The following MYO1C variants were observed in gnomAD, a reference collection of about 807,000 sequenced individuals.
MYO1C encodes the protein unconventional myosin-Ic.
Under a neutral mutation model 150.8 loss-of-function variants are expected in MYO1C, and 104 were observed. The ratio of observed to expected loss-of-function variants is 0.69; its 90% confidence interval spans 0.59 to 0.81. The LOEUF (loss-of-function observed/expected upper bound fraction) is 0.81. Among genes scored for constraint, MYO1C ranks in the 30% least tolerant of loss-of-function variants. MYO1C has a pLI of 0.00. For missense variants in MYO1C, 1,504 were observed against 1,435.0 expected, an observed-to-expected ratio of 1.05 and a Z score of -0.78; for synonymous variants, 663 against 579.9, an observed-to-expected ratio of 1.14 and a Z score of -2.06.
chr17:1,474,888 A>G (rs1567522285), intron 15 of MYO1C, 30 bp from the exon 16 acceptor site: 1 of 1,613,732 alleles, frequency 6.2e-7, no homozygotes, highest in Admixed American at 1.7e-5. Context: ...GTGAGGTGAG[A>G]CAGAGCCTCC....
chr17:1,479,409 G>T lies in MYO1C; in HGVS notation c.1092+22C>A. 8.6e-7 allele frequency: 1 copy of T among 1,168,412 alleles called. No individual in the cohort carries two copies. The highest frequency in any genetic ancestry group is 1.2e-6 in the Non-Finnish European group (1 of 805,562). 72.4% of individuals were successfully genotyped at this position (1,168,412 alleles called of 1,614,324 possible). On this transcript the variant is annotated intron_variant, in intron 9 of 31. Coordinates refer to ENST00000648651, the MANE Select transcript of MYO1C (RefSeq NM_001080779.2). The surrounding 1 kb of genome is among the most constrained non-coding windows in gnomAD (Gnocchi z 4.2). ...TTGGAACAGCTGCCCCTCCACACCC[G>T]AGGGCAAGGGCCCGGCCTCACCTCC... is the stretch of plus-strand genomic sequence containing the variant.
At chr17:1,474,142 CAG>C (rs1306668994) in intron 17 of MYO1C, among the ~76,000 whole-genome samples, 1 of 151,892 alleles carries the variant, frequency 6.6e-6, no homozygotes, top group African/African-American at 2.4e-5. Context: ...AGTAGGCAAA[CAG>C]GGACAGGCGT....
intron 1 of MYO1C, among the ~76,000 whole-genome samples, chr17:1,488,751 G>T (rs898144917): frequency 6.6e-6 from 1 of 152,220 alleles, no homozygotes; most frequent in African/African-American, 2.4e-5. Context: ...CTTTAGGAGT[G>T]GGCCAGGGCC....
Position 1,484,245 on chromosome 17 carries a change from C to A in MYO1C, c.134G>T (p.Arg45Leu). The A allele has an allele frequency of 6.2e-7, 1 of 1,612,508 alleles. No individual in the cohort carries two copies. Among genetic ancestry groups the A allele is most frequent in the Non-Finnish European group, 8.5e-7 (1 of 1,180,002 alleles). The change falls in exon 2 of 32, where the codon CGG (arginine) becomes CTG (leucine). Residue 45 changes from arginine to leucine, a missense_variant. Arg to Leu is a moderately radical substitution (Grantham distance 102). Transcript: ENST00000648651. ...CAGCACGAAATCCTGCACCCCCACC[C>A]GGTCACGGGCGGTGAGCGCACTCTC... is the stretch of plus-strand genomic sequence containing the variant. ...TMESALTARDRVGVQDFVLLE... is the reference protein window; with the variant it reads ...TMESALTARDLVGVQDFVLLE...
At chr17:1,472,647 T>C (rs1378646257) in intron 17 of MYO1C, among the ~76,000 whole-genome samples, 1 of 152,212 alleles carries the variant, frequency 6.6e-6, no homozygotes, top group Non-Finnish European at 1.5e-5. Context: ...GCACGCTCCT[T>C]GGCAAAGACT....
intron 14 of MYO1C, among the ~76,000 whole-genome samples, chr17:1,475,248 A>G (rs190222903): frequency 3.3e-5 from 5 of 152,296 alleles, no homozygotes; most frequent in Admixed American, 1.3e-4. Context: ...GTGAAACCCC[A>G]TCTCTACCAA....
At chr17:1,484,756 G>A in intron 1 of MYO1C, 4 of 363,052 alleles carry the variant, frequency 1.1e-5, no homozygotes, top group Non-Finnish European at 2.2e-5. Context: ...CCTAAAGGAG[G>A]AGGAGTTGAG....
intron 1 of MYO1C, chr17:1,491,650 C>T (rs1349555167): frequency 4.1e-6 from 4 of 980,854 alleles, no homozygotes; most frequent in East Asian, 1.1e-4. Flanking sequence ...GCGTGGCGGG[C>T]TTGGGGATCC....
chr17:1,471,992 C>A lies in MYO1C; in HGVS notation c.1936G>T (p.Val646Leu), dbSNP rs150821723. 1.2e-6 allele frequency: 2 copies of A among 1,614,068 alleles called. No homozygotes were observed. Among genetic ancestry groups the A allele is most frequent in the African/African-American group, 2.7e-5 (2 of 75,060 alleles). The part of the protein sequence containing the change: ...RFDEVLIRHQ[V>L]KYLGLLENLR... ...TTTTCCAACAGCCCCAGGTACTTCA[C>A]CTGGTGGCGGATCAGCACCTCGTCA... Residue 646 changes from valine (V) to leucine (L), a missense_variant, in exon 19 of 32, where the codon GTG (valine) becomes TTG (leucine). Val to Leu is a conservative substitution (Grantham distance 32). Transcript: ENST00000648651.
At chr17:1,469,746 CTT>C (rs947158427) in intron 24 of MYO1C, 132 bp from the exon 25 acceptor site, 5 of 837,016 alleles carry the variant, frequency 6.0e-6, no homozygotes, top group African/African-American at 5.0e-5. Context: ...GTCAAGAGAC[CTT>C]ACTCGGCAGG....
rs758362264 is a variant in MYO1C at position 1,474,669 on chromosome 17, G to A, written c.1738C>T (p.Pro580Ser). 6.2e-7 allele frequency: 1 copy of A among 1,614,048 alleles called. No homozygotes were observed. The change falls in exon 17 of 32, where the codon CCC (proline) becomes TCC (serine). Residue 580 changes from proline (P) to serine (S), a missense_variant. Coordinates refer to ENST00000648651, the MANE Select transcript of MYO1C (RefSeq NM_001080779.2). Reference protein sequence around the residue: ...LKETMCSSKNPIMSQCFDRSE... With the variant: ...LKETMCSSKNSIMSQCFDRSE... ...CGGTCAAAGCACTGGCTCATAATGG[G>A]ATTCTTTGAGCTACACATGGTCTGT... is the stretch of plus-strand genomic sequence containing the variant.
chr17:1,468,469 T>G lies in MYO1C; in HGVS notation c.2638A>C (p.Ile880Leu), dbSNP rs2074228564. The change falls in exon 26 of 32, where the codon ATC (isoleucine) becomes CTC (leucine). Residue 880 changes from isoleucine to leucine, a missense_variant. Transcript: ENST00000648651. The part of the protein sequence containing the change: ...QLQQKAVASE[I>L]FKGKKDNYPQ... ...TAATTATCCTTCTTGCCCTTGAAGATCTCACTAGCCACGGCCTTCTGCTGC... is the reference window on the plus strand; with the variant it reads ...TAATTATCCTTCTTGCCCTTGAAGAGCTCACTAGCCACGGCCTTCTGCTGC... The G allele has an allele frequency of 6.2e-7, 1 of 1,613,490 alleles. No homozygotes were observed. Among genetic ancestry groups the G allele is most frequent in the African/African-American group, 1.3e-5 (1 of 74,742 alleles).
intron 1 of MYO1C, chr17:1,485,747 G>C: frequency 1.8e-6 from 2 of 1,116,900 alleles, no homozygotes; most frequent in Non-Finnish European, 2.2e-6. Flanking sequence ...TCCGCTGCCC[G>C]CGCTCCGGGT....
chr17:1,484,222 G>T lies in MYO1C; in HGVS notation c.157C>A (p.Leu53Met), dbSNP rs1417833713. 1.2e-6 allele frequency: 2 copies of T among 1,612,970 alleles called. No individual in the cohort carries two copies. The highest frequency in any genetic ancestry group is 1.7e-6 in the Non-Finnish European group (2 of 1,180,024). ...GCCTCGCTGGTGAAGTTCTCCAGCAGCACGAAATCCTGCACCCCCACCCGG... is the reference window on the plus strand; with the variant it reads ...GCCTCGCTGGTGAAGTTCTCCAGCATCACGAAATCCTGCACCCCCACCCGG... Reference protein sequence around the residue: ...RDRVGVQDFVLLENFTSEAAF... With the variant: ...RDRVGVQDFVMLENFTSEAAF... Residue 53 changes from leucine to methionine, a missense_variant, in exon 2 of 32, where the codon CTG becomes ATG. Transcript: ENST00000648651.
At chr17:1,477,667 G>A (rs1233371470) in intron 13 of MYO1C, 71 bp from the exon 14 acceptor site, 7 of 1,257,938 alleles carry the variant, frequency 5.6e-6, no homozygotes, top group Non-Finnish European at 8.1e-6. Context: ...TGGGGTCACC[G>A]TGCTGGGAGG....
Position 1,478,628 on chromosome 17 carries a change from C to G in MYO1C, c.1200G>C (p.Ser400=). Residue 400 remains serine, a synonymous_variant, in exon 10 of 32, where the codon TCG becomes TCC. Transcript: ENST00000648651. The surrounding 1 kb of genome is among the most constrained non-coding windows in gnomAD (Gnocchi z 6.3). ...FTWLVGKINR[S]LASKDVESPS... Reference sequence around the variant, plus strand: ...ACCGAGCCCTCACCTTGGAGGCCAGCGACCTGTTGATCTTCCCGACGAGCC... The same window carrying G: ...ACCGAGCCCTCACCTTGGAGGCCAGGGACCTGTTGATCTTCCCGACGAGCC... 1 of 1,614,108 alleles carries G rather than the reference C, an allele frequency of 6.2e-7. No homozygotes were observed. Among genetic ancestry groups the G allele is most frequent in the Non-Finnish European group, 8.5e-7 (1 of 1,180,016 alleles).
chr17:1,485,940 CCGGGGG>C (rs946916006), intron 1 of MYO1C: 241 of 156,980 alleles, frequency 1.5e-3, no homozygotes, highest in Non-Finnish European at 2.8e-3. Flanking sequence ...GGTCCGCGGG[CCGGGGG>C]CGGGGGCGGG....
At chr17:1,471,455 G>T in intron 19 of MYO1C, 119 bp from the exon 20 acceptor site, 1 of 797,050 alleles carries the variant, frequency 1.3e-6, no homozygotes, top group Non-Finnish European at 2.1e-6. Flanking sequence ...GCTAGCAGGA[G>T]GCTCACTCGG....
chr17:1,492,170 C>G (rs1313301457), intron 1 of MYO1C: 8 of 559,500 alleles, frequency 1.4e-5, no homozygotes, highest in Non-Finnish European at 2.6e-5. Context: ...GTTCTGCCCA[C>G]TGAGGTTCGG....
Sources: allele counts gnomAD v4.1 joint callset (sites outside exome capture counted in the v4.1 genomes callset), GRCh38; gene constraint gnomAD v4.1.1; non-coding constraint Gnocchi (gnomAD v3.1); transcripts MANE v1.5; gene names NCBI Gene and HGNC (gene_info 2026-07-23, HGNC 2026-07-21).